Variants in NRCAM observed in about 807,000 individuals in gnomAD.
NRCAM encodes the protein NgCAM-related cell adhesion molecule.
NRCAM carries 83 observed loss-of-function variants against 156.5 expected under a neutral mutation model. The ratio of observed to expected loss-of-function variants is 0.53; its 90% CI spans 0.44 to 0.64. NRCAM has a LOEUF of 0.64. Among genes scored for constraint, NRCAM ranks in the 30% least tolerant of loss-of-function variants. The probability of loss-of-function intolerance (pLI) is 0.00; values close to 1 mark genes in which losing one functional copy is unlikely to be tolerated. For missense variants in NRCAM, 1,417 were observed against 1,597.3 expected, an observed-to-expected ratio of 0.89 and a Z score of 1.92; for synonymous variants, 538 against 563.9, an observed-to-expected ratio of 0.95 and a Z score of 0.65.
At chr7:108,179,947 G>C (rs2062605535) in intron 25 of NRCAM, among the ~76,000 whole-genome samples, 1 of 152,208 alleles carries the variant, frequency 6.6e-6, no homozygotes, top group Non-Finnish European at 1.5e-5. Flanking sequence ...AAATGTCAAA[G>C]TAACAAGGTT....
At chr7:108,301,267 C>A (rs12705448) in intron 3 of NRCAM, among the ~76,000 whole-genome samples, 28,032 of 152,102 alleles carry the variant, frequency 0.18, 3,501 homozygotes, top group East Asian at 0.49. Flanking sequence ...ATTACAGATG[C>A]CAAAGTGTGT....
chr7:108,217,416 G>A (rs1440242969), intron 11 of NRCAM, among the ~76,000 whole-genome samples: 1 of 152,216 alleles, frequency 6.6e-6, no homozygotes, highest in Non-Finnish European at 1.5e-5. Flanking sequence ...CACTTGAGGA[G>A]GCAGTCTCTC....
chr7:108,208,943 T>C (rs1211864832), intron 12 of NRCAM, among the ~76,000 whole-genome samples: 1 of 152,232 alleles, frequency 6.6e-6, no homozygotes, highest in African/African-American at 2.4e-5. Context: ...CTCTGTTCAT[T>C]AGTGTCCAGC....
intron 30 of NRCAM, among the ~76,000 whole-genome samples, chr7:108,163,758 C>A (rs1194122336): frequency 2.7e-5 from 4 of 145,664 alleles, no homozygotes; most frequent in Non-Finnish European, 4.5e-5. Context: ...CGCTAATGAG[C>A]AGTCATACCA....
chr7:108,158,144 G>A (rs2046660690), intron 32 of NRCAM, among the ~76,000 whole-genome samples: 1 of 152,070 alleles, frequency 6.6e-6, no homozygotes, highest in Non-Finnish European at 1.5e-5. Flanking sequence ...AAACCCTCTT[G>A]GGTGAACTGG....
Position 108,451,233 on chromosome 7 carries a change from C to G in NRCAM, c.-332+5010G>C, listed in dbSNP as rs567890651. Among the ~76,000 whole-genome samples, 24 of 145,082 alleles carry G rather than the reference C, an allele frequency of 1.7e-4. No homozygotes were observed. The South Asian group carries it at 3.7e-3, about 23-fold the overall frequency. On this transcript the variant is annotated intron_variant, in intron 1 of 32. Coordinates refer to ENST00000379028, the MANE Select transcript of NRCAM (RefSeq NM_001037132.4). The stretch of plus-strand genomic sequence containing the variant: ...GACTCCGTCTCCAAAAAAAAAAAAA[C>G]AAAGAAAGAAAAAAAAAGTAACAGT...
intron 2 of NRCAM, among the ~76,000 whole-genome samples, chr7:108,381,026 G>C (rs1365411802): frequency 2.6e-5 from 4 of 152,146 alleles, no homozygotes; most frequent in Non-Finnish European, 5.9e-5. Flanking sequence ...GCAACACAGA[G>C]AGACCCTATC....
chr7:108,173,357 C>A (rs1208346816), intron 28 of NRCAM, among the ~76,000 whole-genome samples: 1 of 151,814 alleles, frequency 6.6e-6, no homozygotes, highest in East Asian at 1.9e-4. Context: ...TCCCTATTGT[C>A]CTGATTTAAA....
Position 108,150,839 on chromosome 7 carries a change from T to C in NRCAM, c.3678-692A>G, listed in dbSNP as rs185362809. The stretch of plus-strand genomic sequence containing the variant: ...AAAAATTTTAGTTAATGAGTAAAGA[T>C]TTATTAATCTGGAAAGAGACGCACT... On this transcript the variant is annotated intron_variant, in intron 32 of 32. Transcript: ENST00000379028. The C allele has an allele frequency of 3.3e-5, 14 of 426,148 alleles. No homozygotes were observed. The East Asian group carries it at 5.5e-4, about 17-fold the overall frequency. 26.4% of individuals were successfully genotyped at this position (426,148 alleles called of 1,614,324 possible).
At chr7:108,451,773 T>G (rs1850688946) in intron 1 of NRCAM, among the ~76,000 whole-genome samples, 2 of 152,142 alleles carry the variant, frequency 1.3e-5, no homozygotes, top group African/African-American at 4.8e-5. Context: ...AAGTAGGATG[T>G]TTGTTGCCAG....
At chr7:108,168,191 T>C in intron 29 of NRCAM, 86 bp downstream of exon 29, 14 of 1,304,256 alleles carry the variant, frequency 1.1e-5, no homozygotes, top group Non-Finnish European at 1.4e-5. Context: ...TTCAAGATGA[T>C]CCATAGTAAA....
chr7:108,148,317 T>C lies in NRCAM; in HGVS notation c.*1593A>G, dbSNP rs1200310515. ...CAGTACAACATAAACATTGCATGTT[T>C]ATTTGTATGTAACACCTATAAGCAT... On this transcript the variant is annotated 3_prime_UTR_variant, in exon 33 of 33. Coordinates refer to ENST00000379028, the MANE Select transcript of NRCAM (RefSeq NM_001037132.4). 1 of 152,676 alleles carries C rather than the reference T, an allele frequency of 6.5e-6. No individual in the cohort carries two copies. Among genetic ancestry groups the C allele is most frequent in the African/African-American group, 2.4e-5 (1 of 41,456 alleles). 9.5% of individuals were successfully genotyped at this position (152,676 alleles called of 1,614,324 possible).
intron 3 of NRCAM, among the ~76,000 whole-genome samples, chr7:108,265,048 T>TC (rs1387876688): frequency 6.6e-6 from 1 of 152,120 alleles, no homozygotes; most frequent in Non-Finnish European, 1.5e-5. Flanking sequence ...CTGTGGAACC[T>TC]CCAACAGCTC....
At chr7:108,264,064 G>C (rs1337246214) in intron 3 of NRCAM, among the ~76,000 whole-genome samples, 8 of 152,052 alleles carry the variant, frequency 5.3e-5, no homozygotes, top group Non-Finnish European at 1.0e-4. Flanking sequence ...TGCAACCTCT[G>C]TCTCCCGAGT....
At chr7:108,150,948 C>G (rs527389059) in intron 32 of NRCAM, among the ~76,000 whole-genome samples, 5 of 152,216 alleles carry the variant, frequency 3.3e-5, no homozygotes, top group Admixed American at 2.0e-4. Flanking sequence ...CATGTAATAG[C>G]AAATGCTTCC....
chr7:108,223,814 T>C lies in NRCAM; in HGVS notation c.801A>G (p.Pro267=), dbSNP rs2092893292. ...FYGAKSSRER[P]PTFLTPEGNA... Reference sequence around the variant, plus strand: ...TGCCTTCTGGAGTTAAAAATGTTGGTGGCCTCTCTCTACTTGATTTAGCTG... The same window carrying C: ...TGCCTTCTGGAGTTAAAAATGTTGGCGGCCTCTCTCTACTTGATTTAGCTG... The change falls in exon 11 of 33, where the codon CCA becomes CCG. Residue 267 remains proline (P), a synonymous_variant. Transcript: ENST00000379028. The C allele has an allele frequency of 6.2e-7, 1 of 1,603,202 alleles. No individual in the cohort carries two copies. Among genetic ancestry groups the C allele is most frequent in the East Asian group, 2.2e-5 (1 of 44,724 alleles).
chr7:108,303,883 C>T (rs554080238), intron 3 of NRCAM, among the ~76,000 whole-genome samples: 1 of 152,256 alleles, frequency 6.6e-6, no homozygotes, highest in Non-Finnish European at 1.5e-5. Context: ...AATACAGATA[C>T]ATAATATATA....
At chr7:108,406,217 CAGGAAAAAAAGGGGAGAAATAGA>C (rs1363039356) in intron 1 of NRCAM, among the ~76,000 whole-genome samples, 1 of 151,146 alleles carries the variant, frequency 6.6e-6, no homozygotes, top group Non-Finnish European at 1.5e-5. Flanking sequence ...GAGACACTGG[CAGGAAAAAAAGGGGAGAAATAGA>C]ATGATAACTT....
At chr7:108,193,900 A>G (rs2073645499) in intron 17 of NRCAM, 124 bp downstream of exon 17, 4 of 912,368 alleles carry the variant, frequency 4.4e-6, no homozygotes, top group Non-Finnish European at 6.5e-6. Context: ...TTATCTCTCT[A>G]TTTTGGAGAC....
Sources: gnomAD v4.1 joint callset for allele counts (sites outside exome capture counted in the v4.1 genomes callset) on GRCh38, gnomAD v4.1.1 for gene constraint, MANE v1.5 for transcripts, NCBI Gene and HGNC (gene_info 2026-07-23, HGNC 2026-07-21) for gene names.